Variants in D2HGDH observed in about 807,000 individuals in gnomAD.
D2HGDH encodes D-2-hydroxyglutarate dehydrogenase, mitochondrial.
In D2HGDH, 31 loss-of-function variants were observed where a neutral mutation model predicts 46.9. The observed-to-expected ratio is 0.66, with a 90% CI of 0.50 to 0.89. The LOEUF (loss-of-function observed/expected upper bound fraction) is 0.89, where lower values mean the gene tolerates loss of function less well. D2HGDH is among the 40% of genes least tolerant of loss of function. D2HGDH has a pLI of 0.00. For synonymous variants in D2HGDH, 364 were observed against 332.6 expected (o/e 1.09, Z -1.03); for missense variants, 698 against 720.8 (o/e 0.97, Z 0.36).
At chr2:241,738,000 C>T (rs954698644) in intron 2 of D2HGDH, among the ~76,000 whole-genome samples, 4 of 152,080 alleles carry the variant, frequency 2.6e-5, no homozygotes, top group African/African-American at 7.2e-5. Flanking sequence ...GGGAGTGCAG[C>T]GTATGTTAAA....
At chr2:241,736,111 C>G (rs1274453043) in intron 2 of D2HGDH, 1 of 153,438 alleles carries the variant, frequency 6.5e-6, no homozygotes, top group Non-Finnish European at 1.5e-5. Context: ...TCTCAGCTGC[C>G]CTGGAGGCTG....
rs113121721 is a variant in D2HGDH, at chr2:241,761,740, A to G, written c.1306+5726A>G. On this transcript the variant is annotated intron_variant, in intron 9 of 9. Transcript: ENST00000321264. ...TTCAGTCACACATAACCCTGTCACC[A>G]TGTCACCATCCTGATTCTGCGTAGC... 9.3e-3 allele frequency among the ~76,000 whole-genome samples: 1,412 copies of G among 152,102 alleles called. 18 individuals are homozygous for G. The highest frequency in any genetic ancestry group is 0.032 in the African/African-American group (1,317 of 41,488).
At position 241,743,479 on chromosome 2, in the gene D2HGDH, G is replaced by C. The variant is rs1199574946; in HGVS notation, c.491-143G>C. On this transcript the variant is annotated intron_variant, in intron 4 of 9. Transcript: ENST00000321264. This position sits in a 1 kb window ranked among gnomAD's most constrained non-coding sequence, Gnocchi z 4.8. ...GTTTTCGTCCTTGGGCCAGCGATGT[G>C]GGGGTGCCTCTTCTCCTCAGCCCTG... 1.6e-5 allele frequency: 14 copies of C among 858,590 alleles called. No homozygotes were observed. Among genetic ancestry groups the C allele is most frequent in the Non-Finnish European group, 1.9e-6 (1 of 540,526 alleles). The allele number at this position is 858,590 out of a possible 1,614,324, so 53.2% of individuals were successfully genotyped here.
rs373904767 is a variant in D2HGDH at position 241,743,899 on chromosome 2, G to A, written c.684+84G>A. On this transcript the variant is annotated intron_variant, in intron 5 of 9. Coordinates refer to ENST00000321264, the MANE Select transcript of D2HGDH (RefSeq NM_152783.5). This position sits in a 1 kb window ranked among gnomAD's most constrained non-coding sequence, Gnocchi z 4.8. The stretch of plus-strand genomic sequence containing the variant: ...CATGGGCCCACGTGGTGGCACAGGT[G>A]CATGGGGCCCCTCGGGGTGGGAGGT... 6.7e-6 allele frequency: 10 copies of A among 1,494,134 alleles called. No homozygotes were observed. The East Asian group carries it at 7.4e-5, about 11-fold the overall frequency. The allele number at this position is 1,494,134 out of a possible 1,614,324, so 92.6% of individuals were successfully genotyped here.
rs760289656 is a variant in D2HGDH, at chr2:241,742,597, G to T, written c.490+23G>T. 1 of 1,613,978 alleles carries T rather than the reference G, an allele frequency of 6.2e-7. No homozygotes were observed. The highest frequency in any genetic ancestry group is 8.5e-7 in the Non-Finnish European group (1 of 1,179,956). ...CTGGTAAGCCTGTGCCACCCGTCGG[G>T]GCCCAGGAGTCCCTCCTGGTGCTGG... On this transcript the variant is annotated intron_variant, in intron 4 of 9. Transcript: ENST00000321264. This position sits in a 1 kb window ranked among gnomAD's most constrained non-coding sequence, Gnocchi z 4.8.
intron 9 of D2HGDH, among the ~76,000 whole-genome samples, chr2:241,759,419 C>T (rs1698532737): frequency 1.3e-5 from 2 of 152,236 alleles, no homozygotes; most frequent in African/African-American, 4.8e-5. Context: ...CTCTTTATCT[C>T]CAGCATTGCC....
At chr2:241,751,437 A>T (rs766093813) in intron 8 of D2HGDH, 49 bp downstream of exon 8, 2 of 1,608,428 alleles carry the variant, frequency 1.2e-6, no homozygotes, top group Admixed American at 3.4e-5. Flanking sequence ...CGTCCAGTCC[A>T]GCCTTGTCTT....
At position 241,750,222 on chromosome 2, in the gene D2HGDH, G is replaced by A. The variant is rs1380090191; in HGVS notation, c.925G>A (p.Ala309Thr). The A allele has an allele frequency of 1.9e-6, 3 of 1,614,096 alleles. No homozygotes were observed. Among genetic ancestry groups the A allele is most frequent in the African/African-American group, 1.3e-5 (1 of 75,040 alleles). Residue 309 changes from alanine (A) to threonine (T), a missense_variant, in exon 7 of 10, where the codon GCA (alanine) becomes ACA (threonine). By Grantham distance (58) the Ala-to-Thr change is moderately conservative (BLOSUM62 0). Coordinates refer to ENST00000321264, the MANE Select transcript of D2HGDH (RefSeq NM_152783.5). ...CKGMLGEILS[A>T]FEFMDAVCMQ... ...GGGGATGCTGGGTGAGATCCTGTCT[G>A]CATTCGAGTTCATGGATGCTGTGTG... is the stretch of plus-strand genomic sequence containing the variant.
At chr2:241,749,167 C>G (rs1361948262) in intron 6 of D2HGDH, 3 of 825,914 alleles carry the variant, frequency 3.6e-6, no homozygotes, top group African/African-American at 3.7e-5. Flanking sequence ...AGCAAGATGC[C>G]CAGTCCCCAC....
At chr2:241,735,000 G>A in intron 1 of D2HGDH, 133 bp from the exon 2 acceptor site, 1 of 536,782 alleles carries the variant, frequency 1.9e-6, no homozygotes, top group Non-Finnish European at 3.2e-6. Context: ...CGGGGTTGCG[G>A]CCCGGGCAGG....
intron 1 of D2HGDH, 87 bp from the exon 2 acceptor site, chr2:241,735,046 G>A: frequency 2.9e-6 from 2 of 699,796 alleles, no homozygotes; most frequent in Non-Finnish European, 4.4e-6. Flanking sequence ...TCCCTTCGCT[G>A]CCCTCCTGCC....
chr2:241,757,643 T>G (rs1698313686), intron 9 of D2HGDH, among the ~76,000 whole-genome samples: 1 of 152,168 alleles, frequency 6.6e-6, no homozygotes, highest in South Asian at 2.1e-4. Flanking sequence ...AGAAATGGAA[T>G]GAGCCCTCTG....
chr2:241,735,266 GC>G lies in D2HGDH; in HGVS notation c.43del (p.Arg15GlyfsTer33). 6.6e-7 allele frequency: 1 copy of G among 1,520,586 alleles called. No homozygotes were observed. 94.2% of individuals were successfully genotyped at this position (1,520,586 alleles called of 1,614,324 possible). On this transcript the variant is annotated frameshift_variant, in exon 2 of 10. Transcript: ENST00000321264. LOFTEE classifies it high-confidence loss of function. ...RPLAWPAWLL[R>X]GAPGAAGSWG... ...CTCTGGCGTGGCCCGCGTGGCTGTT[GC>G]GGGGTGCTCCGGGAGCCGCGGGTTC...
intron 8 of D2HGDH, among the ~76,000 whole-genome samples, chr2:241,753,596 C>T (rs1420087568): frequency 2.6e-5 from 4 of 152,204 alleles, no homozygotes; most frequent in East Asian, 1.9e-4. Context: ...GCCGCTGCCG[C>T]GGGGGCCCTG....
intron 2 of D2HGDH, among the ~76,000 whole-genome samples, chr2:241,736,816 A>T (rs1692996597): frequency 6.6e-6 from 1 of 152,046 alleles, no homozygotes; most frequent in Non-Finnish European, 1.5e-5. Flanking sequence ...GCCCGCCACC[A>T]TGCCCGGCTA....
rs1340111661 is a variant in D2HGDH, at chr2:241,755,421, C to T, written c.1141-428C>T. 3.8e-6 allele frequency: 5 copies of T among 1,307,984 alleles called. No homozygotes were observed. In the Admixed American group the frequency reaches 9.2e-5, roughly 24 times the overall value. The allele number at this position is 1,307,984 out of a possible 1,614,324, so 81.0% of individuals were successfully genotyped here. ...GGGAGCGTCCAGGCCCATTCTCATC[C>T]TCAGGGCCTTCCCTGGCCCTTGCCA... is the stretch of plus-strand genomic sequence containing the variant. On this transcript the variant is annotated intron_variant, in intron 8 of 9. Transcript: ENST00000321264.
intron 7 of D2HGDH, among the ~76,000 whole-genome samples, chr2:241,750,505 G>C (rs1696989435): frequency 6.6e-6 from 1 of 152,252 alleles, no homozygotes. Context: ...CCCTGGTCCT[G>C]TGTAAGGTTT....
At chr2:241,752,119 C>T (rs773059270) in intron 8 of D2HGDH, among the ~76,000 whole-genome samples, 6 of 151,744 alleles carry the variant, frequency 4.0e-5, no homozygotes, top group South Asian at 2.1e-4. Flanking sequence ...GAGCAGTGGG[C>T]GCAGGACTTT....
rs1485171306 is a variant in D2HGDH at position 241,750,257 on chromosome 2, G to T, written c.960G>T (p.Leu320=). ...FEFMDAVCMQ[L]VGRHLHLASP... is the part of the protein sequence containing the mutation. The stretch of plus-strand genomic sequence containing the variant: ...TCATGGATGCTGTGTGCATGCAGCT[G>T]GTCGGGCGCCATCTCCACCTGGCCA... The change falls in exon 7 of 10, where the codon CTG becomes CTT. Residue 320 remains leucine (L), a synonymous_variant. Transcript: ENST00000321264. The T allele has an allele frequency of 6.2e-7, 1 of 1,613,876 alleles. No homozygotes were observed. The highest frequency in any genetic ancestry group is 2.2e-5 in the East Asian group (1 of 44,880).
Sources: allele counts gnomAD v4.1 joint callset (sites outside exome capture counted in the v4.1 genomes callset), GRCh38; gene constraint gnomAD v4.1.1; non-coding constraint Gnocchi (gnomAD v3.1); transcripts MANE v1.5; gene names NCBI Gene and HGNC (gene_info 2026-07-23, HGNC 2026-07-21).